Variants in GRM3 observed in about 807,000 individuals in gnomAD.
GRM3 encodes metabotropic glutamate receptor 3.
A neutral mutation model predicts 70.5 loss-of-function variants in GRM3; 26 were observed. That is an observed-to-expected ratio of 0.37 (90% CI 0.27 to 0.51). GRM3 has a LOEUF of 0.51. GRM3 is among the 20% of genes least tolerant of loss of function. The probability of loss-of-function intolerance (pLI) is 0.93; values close to 1 mark genes in which losing one functional copy is unlikely to be tolerated. For synonymous variants in GRM3, 443 were observed against 434.9 expected, an observed-to-expected ratio of 1.02 and a Z score of -0.23; for missense variants, 859 against 1,123.8, an observed-to-expected ratio of 0.76 and a Z score of 3.37.
At chr7:86,780,264 T>C (rs1213900662) in intron 2 of GRM3, among the ~76,000 whole-genome samples, 6 of 152,206 alleles carry the variant, frequency 3.9e-5, no homozygotes, top group Admixed American at 2.0e-4. Context: ...GGTCAAATGG[T>C]ATTTCTAGTT....
chr7:86,861,340 A>G (rs922241440), intron 5 of GRM3, among the ~76,000 whole-genome samples: 1 of 152,232 alleles, frequency 6.6e-6, no homozygotes, highest in Non-Finnish European at 1.5e-5. Context: ...AGTCTATTCC[A>G]TGACCAGCAC....
chr7:86,725,611 G>A (rs764045858), intron 1 of GRM3, among the ~76,000 whole-genome samples: 1 of 152,138 alleles, frequency 6.6e-6, no homozygotes, highest in African/African-American at 2.4e-5. Flanking sequence ...TTGTAGAAGA[G>A]CATGTAGGAC....
intron 1 of GRM3, among the ~76,000 whole-genome samples, chr7:86,685,390 G>A (rs886719370): frequency 1.3e-5 from 2 of 152,082 alleles, no homozygotes; most frequent in African/African-American, 2.4e-5. Flanking sequence ...AGGCATCATC[G>A]ATTAGAAAAA....
intron 1 of GRM3, among the ~76,000 whole-genome samples, chr7:86,733,110 C>T (rs58221462): frequency 0.013 from 1,911 of 151,922 alleles, 31 homozygotes; most frequent in African/African-American, 0.042. Context: ...GTCAGGAGAT[C>T]GAGACCATCC....
intron 1 of GRM3, among the ~76,000 whole-genome samples, chr7:86,659,775 G>A (rs1793845532): frequency 6.6e-6 from 1 of 151,970 alleles, no homozygotes; most frequent in Admixed American, 6.6e-5. Context: ...AAAGTCAGCT[G>A]TCATGATAAT....
At chr7:86,665,059 T>C (rs1392910007) in intron 1 of GRM3, among the ~76,000 whole-genome samples, 2 of 152,078 alleles carry the variant, frequency 1.3e-5, no homozygotes, top group Non-Finnish European at 2.9e-5. Flanking sequence ...TTGATTGTAG[T>C]AGCTGTGAAA....
intron 1 of GRM3, among the ~76,000 whole-genome samples, chr7:86,650,886 A>T (rs1331095614): frequency 6.6e-6 from 1 of 152,256 alleles, no homozygotes; most frequent in Non-Finnish European, 1.5e-5. Flanking sequence ...GTTTTGTAGT[A>T]TAGTAAAATT....
At chr7:86,666,933 C>A (rs1356308468) in intron 1 of GRM3, among the ~76,000 whole-genome samples, 1 of 151,982 alleles carries the variant, frequency 6.6e-6, no homozygotes, top group Non-Finnish European at 1.5e-5. Context: ...ACTTAACTAC[C>A]CAGAATAAAT....
intron 1 of GRM3, among the ~76,000 whole-genome samples, chr7:86,690,590 A>G (rs1794674106): frequency 6.6e-6 from 1 of 152,078 alleles, no homozygotes; most frequent in Non-Finnish European, 1.5e-5. Flanking sequence ...TGTATTGTGT[A>G]TAAGGGGTTC....
chr7:86,835,401 A>T (rs1349797915), intron 3 of GRM3, among the ~76,000 whole-genome samples: 1 of 152,128 alleles, frequency 6.6e-6, no homozygotes, highest in Admixed American at 6.5e-5. Flanking sequence ...TAGTAGAAAA[A>T]GGTTTAGATA....
chr7:86,855,524 A>G (rs991753885), intron 5 of GRM3, among the ~76,000 whole-genome samples: 5 of 152,310 alleles, frequency 3.3e-5, no homozygotes, highest in Middle Eastern at 3.4e-3. Flanking sequence ...TTGGTCCCCA[A>G]GGAGCTGTAG....
chr7:86,669,253 C>T (rs1167338291), intron 1 of GRM3, among the ~76,000 whole-genome samples: 1 of 152,166 alleles, frequency 6.6e-6, no homozygotes, highest in African/African-American at 2.4e-5. Context: ...ATCACTAGGG[C>T]TGGGGCCCAG....
At chr7:86,660,516 A>T (rs1793865518) in intron 1 of GRM3, among the ~76,000 whole-genome samples, 1 of 152,028 alleles carries the variant, frequency 6.6e-6, no homozygotes, top group Non-Finnish European at 1.5e-5. Context: ...CTTTATTTTG[A>T]TAATTTGGTT....
intron 1 of GRM3, among the ~76,000 whole-genome samples, chr7:86,659,647 C>CT (rs1162640454): frequency 2.6e-5 from 4 of 152,106 alleles, no homozygotes; most frequent in Non-Finnish European, 5.9e-5. Flanking sequence ...ACATTGAGCT[C>CT]TTTTTTAGAA....
chr7:86,836,051 TA>T (rs1798450354), intron 3 of GRM3, among the ~76,000 whole-genome samples: 2 of 152,038 alleles, frequency 1.3e-5, no homozygotes, highest in African/African-American at 4.8e-5. Context: ...GTCAAAGAAA[TA>T]AATACAGATT....
intron 1 of GRM3, among the ~76,000 whole-genome samples, chr7:86,745,968 A>T (rs774784503): frequency 6.6e-6 from 1 of 152,058 alleles, no homozygotes; most frequent in Non-Finnish European, 1.5e-5. Flanking sequence ...GAGAGAAAAG[A>T]ATTAAAACTA....
intron 3 of GRM3, among the ~76,000 whole-genome samples, chr7:86,834,684 G>T (rs1798421040): frequency 6.7e-6 from 1 of 148,824 alleles, no homozygotes; most frequent in South Asian, 2.1e-4. Context: ...TTCAAAAATT[G>T]CTATGAGAAC....
rs538971781 is a variant in GRM3, at chr7:86,655,770, T to G, written c.-141+10898T>G. 4.6e-5 allele frequency among the ~76,000 whole-genome samples: 7 copies of G among 151,802 alleles called. No homozygotes were observed. The East Asian group carries it at 1.4e-3, about 29-fold the overall frequency. On this transcript the variant is annotated intron_variant, in intron 1 of 5. Transcript: ENST00000361669. ...AAACAAGATGGTTATAGGAAAAAAG[T>G]TCCTACCTGACAAACTTCACACTAG...
intron 2 of GRM3, among the ~76,000 whole-genome samples, chr7:86,773,897 A>G (rs1289174411): frequency 6.6e-6 from 1 of 152,064 alleles, no homozygotes; most frequent in East Asian, 1.9e-4. Flanking sequence ...TACTCTACCG[A>G]AAGATAAGAA....
Sources: allele counts gnomAD v4.1 joint callset (sites outside exome capture counted in the v4.1 genomes callset), GRCh38; gene constraint gnomAD v4.1.1; transcripts MANE v1.5; gene names NCBI Gene and HGNC (gene_info 2026-07-23, HGNC 2026-07-21).